Variants in TMEM163 observed in about 807,000 individuals in gnomAD.
TMEM163 encodes the protein transmembrane protein 163.
TMEM163 carries 17 observed loss-of-function variants against 29.3 expected under a neutral mutation model. That is an observed-to-expected ratio of 0.58 (90% confidence interval 0.40 to 0.87). The LOEUF (loss-of-function observed/expected upper bound fraction) is 0.87, where lower values mean the gene tolerates loss of function less well. Ranked by LOEUF, TMEM163 falls within the 40% of genes least tolerant of loss-of-function variation. TMEM163 has a pLI of 0.00. For synonymous variants in TMEM163, 157 were observed against 160.6 expected, an observed-to-expected ratio of 0.98 and a Z score of 0.17; for missense variants, 303 against 381.5, an observed-to-expected ratio of 0.79 and a Z score of 1.71.
At chr2:134,523,135 A>G (rs543671962) in intron 4 of TMEM163, among the ~76,000 whole-genome samples, 7 of 152,362 alleles carry the variant, frequency 4.6e-5, no homozygotes, top group African/African-American at 1.7e-4. Flanking sequence ...CAGTAATTTT[A>G]TTAACCATGA....
chr2:134,507,336 CTAAA>C (rs111595849), intron 4 of TMEM163, among the ~76,000 whole-genome samples: 4,730 of 148,972 alleles, frequency 0.032, 242 homozygotes, highest in African/African-American at 0.1. Flanking sequence ...AACTCTACCT[CTAAA>C]TAAATAAATA....
chr2:134,591,346 T>C (rs1314677743), intron 2 of TMEM163, among the ~76,000 whole-genome samples: 1 of 152,110 alleles, frequency 6.6e-6, no homozygotes, highest in Non-Finnish European at 1.5e-5. Flanking sequence ...GTGATGCTGG[T>C]GGGAGTGTAG....
intron 2 of TMEM163, among the ~76,000 whole-genome samples, chr2:134,669,986 C>T (rs1683955477): frequency 6.6e-6 from 1 of 152,126 alleles, no homozygotes; most frequent in Non-Finnish European, 1.5e-5. Flanking sequence ...CATGAGGGAC[C>T]CTGGGCCAGA....
At chr2:134,595,093 TTTTA>T (rs1405568341) in intron 2 of TMEM163, among the ~76,000 whole-genome samples, 2 of 151,562 alleles carry the variant, frequency 1.3e-5, no homozygotes, top group South Asian at 2.1e-4. Context: ...TTATTTTTAT[TTTTA>T]TTTATTTTTT....
At chr2:134,520,489 C>T (rs920965395) in intron 4 of TMEM163, among the ~76,000 whole-genome samples, 5 of 152,200 alleles carry the variant, frequency 3.3e-5, no homozygotes, top group Non-Finnish European at 5.9e-5. Flanking sequence ...ATTTCATTGT[C>T]TGTATGATTG....
intron 5 of TMEM163, among the ~76,000 whole-genome samples, chr2:134,496,819 C>CCT (rs113436066): frequency 0.13 from 19,751 of 152,046 alleles, 1,651 homozygotes; most frequent in Middle Eastern, 0.3. Flanking sequence ...CTTCCTTGTC[C>CCT]CTCCTCCTTT....
chr2:134,702,308 TTTTTA>T (rs1193617135), intron 2 of TMEM163, among the ~76,000 whole-genome samples: 5 of 152,188 alleles, frequency 3.3e-5, no homozygotes, highest in African/African-American at 1.2e-4. Context: ...GGAAAAGTAT[TTTTTA>T]ACCATCACAA....
intron 4 of TMEM163, among the ~76,000 whole-genome samples, chr2:134,537,568 G>C (rs932003449): frequency 6.6e-6 from 1 of 152,158 alleles, no homozygotes; most frequent in South Asian, 2.1e-4. Flanking sequence ...GGGAATTAGG[G>C]CTTCAATACA....
Position 134,486,532 on chromosome 2 carries a change from AT to A in TMEM163, c.555+16368del, listed in dbSNP as rs372664289. Among the ~76,000 whole-genome samples the A allele has an allele frequency of 4.8e-3, 738 of 152,360 alleles. 7 individuals are homozygous for A. The highest frequency in any genetic ancestry group is 0.017 in the African/African-American group (694 of 41,594). On this transcript the variant is annotated intron_variant, in intron 5 of 7. Coordinates refer to ENST00000281924, the MANE Select transcript of TMEM163 (RefSeq NM_030923.5). ...TTCGAGATTTTACAAATCACAAGTA[AT>A]ATGAGCAACTTTAATGCAATAAATT...
chr2:134,521,404 A>G (rs916576153), intron 4 of TMEM163, among the ~76,000 whole-genome samples: 1 of 152,082 alleles, frequency 6.6e-6, no homozygotes, highest in Non-Finnish European at 1.5e-5. Context: ...GTCTGGAGGC[A>G]TTTTCCATTG....
chr2:134,499,523 T>C (rs1177209250), intron 5 of TMEM163, among the ~76,000 whole-genome samples: 3 of 152,192 alleles, frequency 2.0e-5, no homozygotes, highest in South Asian at 2.1e-4. Flanking sequence ...CCAGCTGGCC[T>C]GACTGCTCCA....
chr2:134,533,076 T>C (rs932690689), intron 4 of TMEM163, among the ~76,000 whole-genome samples: 2 of 151,944 alleles, frequency 1.3e-5, no homozygotes, highest in African/African-American at 4.8e-5. Context: ...GCACAGGGCC[T>C]AAAGAAATAA....
At chr2:134,558,351 C>T (rs902021683) in intron 2 of TMEM163, among the ~76,000 whole-genome samples, 4 of 152,120 alleles carry the variant, frequency 2.6e-5, no homozygotes, top group Non-Finnish European at 1.5e-5. Context: ...CTTTCATTTA[C>T]GTGTCAAAGG....
chr2:134,607,946 G>A (rs1322616173), intron 2 of TMEM163, among the ~76,000 whole-genome samples: 1 of 368 alleles, frequency 2.7e-3, no homozygotes, highest in Admixed American at 0.036. Flanking sequence ...CGAGAACTGT[G>A]CTGGTGAAAA....
rs566597267 is a variant in TMEM163, at chr2:134,462,722, A to G, written c.667+3392T>C. Among the ~76,000 whole-genome samples the G allele has an allele frequency of 2.6e-5, 4 of 152,354 alleles. No homozygotes were observed. The South Asian group carries it at 8.3e-4, about 32-fold the overall frequency. On this transcript the variant is annotated intron_variant, in intron 6 of 7. Transcript: ENST00000281924. ...TGTTCTCCTCTGTACACCACATAAC[A>G]TGATGAAAGCCAGAACAGTGAAGCC... is the stretch of plus-strand genomic sequence containing the variant.
chr2:134,591,908 TAA>T (rs74672779), intron 2 of TMEM163, among the ~76,000 whole-genome samples: 3 of 142,568 alleles, frequency 2.1e-5, no homozygotes. Context: ...CAGTGTTGAT[TAA>T]AAAAAAAAAA....
intron 5 of TMEM163, among the ~76,000 whole-genome samples, chr2:134,473,113 A>G (rs1296795294): frequency 1.3e-5 from 2 of 152,244 alleles, no homozygotes; most frequent in East Asian, 1.9e-4. Context: ...ATAGTAAATA[A>G]TGTACTTAAA....
intron 2 of TMEM163, among the ~76,000 whole-genome samples, chr2:134,629,537 C>A (rs1558970232): frequency 6.6e-6 from 1 of 152,120 alleles, no homozygotes; most frequent in Non-Finnish European, 1.5e-5. Context: ...TCTGGTTTTT[C>A]TATTTTCTTT....
intron 2 of TMEM163, among the ~76,000 whole-genome samples, chr2:134,643,934 G>A (rs1044855877): frequency 1.3e-5 from 2 of 151,572 alleles, no homozygotes; most frequent in Admixed American, 6.6e-5. Context: ...AAGTATGCAG[G>A]GTATAAGATA....
Sources: allele counts gnomAD v4.1 joint callset (sites outside exome capture counted in the v4.1 genomes callset), GRCh38; gene constraint gnomAD v4.1.1; transcripts MANE v1.5; gene names NCBI Gene and HGNC (gene_info 2026-07-23, HGNC 2026-07-21).